SLC30A7: variants seen among roughly 807,000 people sequenced by gnomAD.
SLC30A7 encodes solute carrier family 30 member 7.
Under a neutral mutation model 46.0 loss-of-function variants are expected in SLC30A7, and 35 were observed. The ratio of observed to expected loss-of-function variants is 0.76; its 90% confidence interval spans 0.58 to 1.01. The LOEUF (loss-of-function observed/expected upper bound fraction) is 1.01. Among genes scored for constraint, SLC30A7 ranks in the 50% least tolerant of loss-of-function variants. The probability of loss-of-function intolerance (pLI) is 0.00; values close to 1 mark genes in which losing one functional copy is unlikely to be tolerated. For missense variants in SLC30A7, 464 were observed against 451.1 expected, an observed-to-expected ratio of 1.03 and a Z score of -0.26; for synonymous variants, 147 against 157.8, an observed-to-expected ratio of 0.93 and a Z score of 0.51.
At chr1:100,906,047 G>A (rs530192442) in intron 2 of SLC30A7, among the ~76,000 whole-genome samples, 125 of 152,144 alleles carry the variant, frequency 8.2e-4, no homozygotes, top group Non-Finnish European at 1.5e-3. Context: ...TGGGACTTTC[G>A]AAACTATTTG....
the SLC30A7 span, chr1:100,990,497 C>T: frequency 3.7e-6 from 6 of 1,614,014 alleles, no homozygotes; most frequent in Non-Finnish European, 5.1e-6. Flanking sequence ...TGTATGCTGC[C>T]TCCTGTGATG....
At chr1:100,954,188 C>G (rs1457675154) in intron 8 of SLC30A7, among the ~76,000 whole-genome samples, 1 of 152,148 alleles carries the variant, frequency 6.6e-6, no homozygotes, top group Non-Finnish European at 1.5e-5. Flanking sequence ...TTCTTATTCT[C>G]TTCACTCTAG....
chr1:100,917,583 GTCA>G (rs764875202), intron 6 of SLC30A7, among the ~76,000 whole-genome samples: 2 of 152,202 alleles, frequency 1.3e-5, no homozygotes, highest in South Asian at 2.1e-4. Flanking sequence ...ATAGCATTTT[GTCA>G]TCATAAAAGC....
chr1:100,957,133 C>A (rs1478485039), intron 8 of SLC30A7, among the ~76,000 whole-genome samples: 1 of 152,180 alleles, frequency 6.6e-6, no homozygotes, highest in African/African-American at 2.4e-5. Flanking sequence ...CTGATCTGTT[C>A]TAGTTCTCCT....
chr1:100,974,983 G>T lies in SLC30A7; in HGVS notation c.*126G>T, dbSNP rs190381720. The T allele has an allele frequency of 1.6e-6, 1 of 637,900 alleles. No individual in the cohort carries two copies. Among genetic ancestry groups the T allele is most frequent in the Admixed American group, 3.1e-5 (1 of 32,724 alleles). 39.5% of individuals were successfully genotyped at this position (637,900 alleles called of 1,614,324 possible). ...TACAACTCCCGAGCACTAAGTAGAC[G>T]GGGTAGAGTCAGCCGTTCATGCTTT... On this transcript the variant is annotated 3_prime_UTR_variant, in exon 11 of 11. Coordinates refer to ENST00000357650, the MANE Select transcript of SLC30A7 (RefSeq NM_133496.5).
intron 8 of SLC30A7, among the ~76,000 whole-genome samples, chr1:100,935,777 AG>A (rs1383847855): frequency 6.6e-6 from 1 of 152,222 alleles, no homozygotes; most frequent in African/African-American, 2.4e-5. Context: ...TGTTTGACAA[AG>A]GTTTCTTGGG....
chr1:100,974,787 C>CTT, intron 10 of SLC30A7, 23 bp from the exon 11 acceptor site: 40 of 1,455,190 alleles, frequency 2.7e-5, no homozygotes, highest in South Asian at 9.1e-5. Flanking sequence ...GATTTTCTAA[C>CTT]TTTTTTTTTT....
At chr1:100,932,903 T>G (rs918008276) in intron 8 of SLC30A7, among the ~76,000 whole-genome samples, 2 of 152,178 alleles carry the variant, frequency 1.3e-5, no homozygotes, top group African/African-American at 4.8e-5. Context: ...AGCTCTGTCA[T>G]CTGCCCCAAC....
intron 2 of SLC30A7, among the ~76,000 whole-genome samples, chr1:100,901,420 A>G (rs1360622984): frequency 6.6e-6 from 1 of 151,966 alleles, no homozygotes; most frequent in Non-Finnish European, 1.5e-5. Context: ...TTCTGTATTT[A>G]TGTATTCAGG....
chr1:100,990,841 T>G, the SLC30A7 span, among the ~76,000 whole-genome samples: 25 of 152,236 alleles, frequency 1.6e-4, no homozygotes, highest in African/African-American at 5.8e-4. Context: ...TTCCAAACTT[T>G]ACCCTTTCAG....
intron 10 of SLC30A7, among the ~76,000 whole-genome samples, chr1:100,969,489 T>A (rs970563422): frequency 3.3e-5 from 5 of 152,186 alleles, no homozygotes; most frequent in African/African-American, 1.2e-4. Context: ...GTTTTAGAAA[T>A]GTGCAAGCAG....
intron 8 of SLC30A7, among the ~76,000 whole-genome samples, chr1:100,945,911 A>G (rs1201025469): frequency 6.6e-6 from 1 of 152,164 alleles, no homozygotes; most frequent in Non-Finnish European, 1.5e-5. Context: ...GATTCTTCCT[A>G]TCCACAAGCA....
At chr1:100,939,590 AC>A (rs1654214499) in intron 8 of SLC30A7, among the ~76,000 whole-genome samples, 1 of 151,904 alleles carries the variant, frequency 6.6e-6, no homozygotes, top group Admixed American at 6.6e-5. Context: ...TAATCCCAGC[AC>A]TTTGGGAGGC....
chr1:100,956,459 A>C (rs979712265), intron 8 of SLC30A7, among the ~76,000 whole-genome samples: 2 of 152,188 alleles, frequency 1.3e-5, no homozygotes, highest in African/African-American at 4.8e-5. Flanking sequence ...AAATTTGAAC[A>C]AAGATTTGGA....
chr1:100,965,902 A>G lies in SLC30A7; in HGVS notation c.1067A>G (p.His356Arg), dbSNP rs779931775. The change falls in exon 10 of 11, where the codon CAT (histidine) becomes CGT (arginine). Residue 356 changes from histidine to arginine, a missense_variant. Transcript: ENST00000357650. ...GCTAGGTGGATTTTAAGCCAAACACATAATATTTTTACTCAGGTATGTCTT... is the reference window on the plus strand; with the variant it reads ...GCTAGGTGGATTTTAAGCCAAACACGTAATATTTTTACTCAGGTATGTCTT... ...ADARWILSQT[H>R]NIFTQAGVRQ... 17 of 1,611,988 alleles carry G rather than the reference A, an allele frequency of 1.1e-5. No homozygotes were observed. In the South Asian group the frequency reaches 1.5e-4, roughly 15 times the overall value.
intron 8 of SLC30A7, among the ~76,000 whole-genome samples, chr1:100,945,967 G>T (rs545543234): frequency 6.6e-6 from 1 of 152,300 alleles, no homozygotes; most frequent in East Asian, 1.9e-4. Context: ...TCATTGAGCA[G>T]TGGTTTGTAG....
At chr1:100,951,156 G>A (rs1654930876) in intron 8 of SLC30A7, among the ~76,000 whole-genome samples, 1 of 152,138 alleles carries the variant, frequency 6.6e-6, no homozygotes, top group Non-Finnish European at 1.5e-5. Flanking sequence ...AGCAAGCTTT[G>A]GGGTTAGAGA....
intron 8 of SLC30A7, among the ~76,000 whole-genome samples, chr1:100,951,136 A>G (rs1007693339): frequency 6.6e-6 from 1 of 152,142 alleles, no homozygotes; most frequent in African/African-American, 2.4e-5. Context: ...TCCACTTGGC[A>G]GATATGCAAA....
chr1:100,965,940 C>A (rs1227566517), intron 10 of SLC30A7, 22 bp downstream of exon 10: 1 of 1,583,554 alleles, frequency 6.3e-7, no homozygotes, highest in East Asian at 2.2e-5. Flanking sequence ...TTACTAACTT[C>A]TTTTAAGGGC....
Sources: allele counts gnomAD v4.1 joint callset (sites outside exome capture counted in the v4.1 genomes callset), GRCh38; gene constraint gnomAD v4.1.1; transcripts MANE v1.5; gene names NCBI Gene and HGNC (gene_info 2026-07-23, HGNC 2026-07-21).